ALK: variants seen among roughly 807,000 people sequenced by gnomAD.
The protein encoded by ALK is ALK tyrosine kinase receptor.
Under a neutral mutation model 163.1 loss-of-function variants are expected in ALK, and 74 were observed. That is an observed-to-expected ratio of 0.45 (90% CI 0.38 to 0.55). ALK has a LOEUF of 0.55. ALK is among the 20% of genes least tolerant of loss of function. The probability of loss-of-function intolerance (pLI) is 0.00; values close to 1 mark genes in which losing one functional copy is unlikely to be tolerated. For missense variants in ALK, 2,063 were observed against 2,105.3 expected (o/e 0.98, Z 0.39); for synonymous variants, 960 against 843.2 (o/e 1.14, Z -2.40).
Position 29,920,707 on chromosome 2 carries a change from C to G in ALK, c.-48G>C. 1 of 1,483,008 alleles carries G rather than the reference C, an allele frequency of 6.7e-7. No individual in the cohort carries two copies. Among genetic ancestry groups the G allele is most frequent in the Non-Finnish European group, 9.1e-7 (1 of 1,101,600 alleles). 91.9% of individuals were successfully genotyped at this position (1,483,008 alleles called of 1,614,324 possible). A position where few individuals can be genotyped will look rare whatever the true frequency, so the allele number is the denominator to read the frequency against. ...ACTGCTCTCCGGGCCCAGCCTCACC[C>G]TTCGCTCTCCCCGAGATGGGAAGAG... On this transcript the variant is annotated 5_prime_UTR_variant, in exon 1 of 29. Coordinates refer to ENST00000389048, the MANE Select transcript of ALK (RefSeq NM_004304.5).
At chr2:29,348,398 G>C (rs1668016229) in intron 5 of ALK, among the ~76,000 whole-genome samples, 1 of 152,178 alleles carries the variant, frequency 6.6e-6, no homozygotes, top group East Asian at 1.9e-4. Context: ...TGCATCCTCG[G>C]GGCACCCAGG....
chr2:29,424,837 T>A (rs2148069807), intron 4 of ALK, among the ~76,000 whole-genome samples: 1 of 152,308 alleles, frequency 6.6e-6, no homozygotes, highest in Non-Finnish European at 1.5e-5. Flanking sequence ...CTTAACCTCG[T>A]AAGCCTTGGT....
chr2:29,567,634 T>G (rs1674232394), intron 3 of ALK, among the ~76,000 whole-genome samples: 1 of 152,172 alleles, frequency 6.6e-6, no homozygotes, highest in African/African-American at 2.4e-5. Flanking sequence ...CTTGCTCCTT[T>G]TGGGGTATCA....
intron 4 of ALK, among the ~76,000 whole-genome samples, chr2:29,398,966 G>C (rs910484081): frequency 1.3e-5 from 2 of 152,174 alleles, no homozygotes; most frequent in Admixed American, 6.5e-5. Context: ...TGTGTGGCAG[G>C]AGCTGCTGCA....
At chr2:29,514,631 A>G (rs550277727) in intron 4 of ALK, among the ~76,000 whole-genome samples, 1 of 152,152 alleles carries the variant, frequency 6.6e-6, no homozygotes, top group Non-Finnish European at 1.5e-5. Context: ...CAACATCTCA[A>G]AACTGAAGTT....
Position 29,318,415 on chromosome 2 carries a change from G to C in ALK, c.1547-11C>G, listed in dbSNP as rs1184228132. 2 of 1,594,606 alleles carry C rather than the reference G, an allele frequency of 1.3e-6. No individual in the cohort carries two copies. Among genetic ancestry groups the C allele is most frequent in the South Asian group, 2.2e-5 (2 of 90,632 alleles). On this transcript the variant is annotated splice_polypyrimidine_tract_variant and intron_variant, in intron 7 of 28. Transcript: ENST00000389048. Reference sequence around the variant, plus strand: ...GCAATAGAGCATGGTCTAGGAGAGAGGAAAAGAATCACAAGCACGCCATTA... The same window carrying C: ...GCAATAGAGCATGGTCTAGGAGAGACGAAAAGAATCACAAGCACGCCATTA...
chr2:29,328,309 G>A (rs1484696385), intron 6 of ALK, 41 bp downstream of exon 6: 1 of 1,613,718 alleles, frequency 6.2e-7, no homozygotes, highest in African/African-American at 1.3e-5. Context: ...TTATGAGCAT[G>A]GGCTGGGCTC....
intron 1 of ALK, among the ~76,000 whole-genome samples, chr2:29,773,541 C>T (rs961553906): frequency 5.3e-5 from 8 of 152,080 alleles, no homozygotes; most frequent in Non-Finnish European, 8.8e-5. Flanking sequence ...CACTGATGAC[C>T]GCAAAGGGCA....
At chr2:29,411,097 A>G (rs1669713866) in intron 4 of ALK, among the ~76,000 whole-genome samples, 1 of 152,046 alleles carries the variant, frequency 6.6e-6, no homozygotes, top group Admixed American at 6.6e-5. Context: ...TTATTTTTGT[A>G]TTACTTTTTA....
intron 1 of ALK, among the ~76,000 whole-genome samples, chr2:29,780,383 A>G (rs956316673): frequency 2.0e-5 from 3 of 152,068 alleles, no homozygotes; most frequent in African/African-American, 7.2e-5. Context: ...AGCCCTGAAG[A>G]CCCTCACCCA....
At chr2:29,513,055 G>A (rs1292846072) in intron 4 of ALK, among the ~76,000 whole-genome samples, 22 of 151,486 alleles carry the variant, frequency 1.5e-4, no homozygotes, top group Non-Finnish European at 2.2e-4. Context: ...AATCAATATC[G>A]TGAAAATGGC....
intron 3 of ALK, among the ~76,000 whole-genome samples, chr2:29,610,137 G>A (rs1385605212): frequency 6.6e-6 from 1 of 152,182 alleles, no homozygotes; most frequent in African/African-American, 2.4e-5. Flanking sequence ...ATAAGTACCA[G>A]CATAACTTTG....
intron 6 of ALK, among the ~76,000 whole-genome samples, chr2:29,325,391 CACTT>C (rs1418994994): frequency 1.1e-4 from 16 of 152,234 alleles, no homozygotes; most frequent in Admixed American, 5.2e-4. Flanking sequence ...ATTTACTGAG[CACTT>C]ACTTTGTGCC....
chr2:29,332,272 TG>T (rs1294926316), intron 5 of ALK, among the ~76,000 whole-genome samples: 1 of 104,690 alleles, frequency 9.6e-6, no homozygotes, highest in Non-Finnish European at 1.7e-5. Flanking sequence ...GGAGACAGAG[TG>T]AGACTCCATC....
At chr2:29,569,699 T>G (rs1197401709) in intron 3 of ALK, among the ~76,000 whole-genome samples, 2 of 152,230 alleles carry the variant, frequency 1.3e-5, no homozygotes, top group Non-Finnish European at 2.9e-5. Context: ...GGGGTGGTGC[T>G]GATTCCACCA....
At chr2:29,705,240 AATATATATATATATATATATAT>A (rs1172702963) in intron 2 of ALK, among the ~76,000 whole-genome samples, 9 of 47,122 alleles carry the variant, frequency 1.9e-4, no homozygotes, top group African/African-American at 4.7e-4. Context: ...AAAGAAAAGA[AATATATATATATATATATATAT>A]ATATATATAT....
chr2:29,784,322 C>A (rs1398356470), intron 1 of ALK, among the ~76,000 whole-genome samples: 1 of 152,196 alleles, frequency 6.6e-6, no homozygotes, highest in Non-Finnish European at 1.5e-5. Flanking sequence ...TATACATTTT[C>A]TATAATATTC....
intron 1 of ALK, among the ~76,000 whole-genome samples, chr2:29,752,960 C>A (rs1680415627): frequency 6.6e-6 from 1 of 152,158 alleles, no homozygotes; most frequent in Non-Finnish European, 1.5e-5. Flanking sequence ...AATCTTCAGA[C>A]TCAGACCCAG....
intron 1 of ALK, among the ~76,000 whole-genome samples, chr2:29,866,599 G>A (rs1666439480): frequency 6.6e-6 from 1 of 152,190 alleles, no homozygotes. Context: ...GCTATACTTA[G>A]GAGCTATATC....
Sources: gnomAD v4.1 joint callset for allele counts (sites outside exome capture counted in the v4.1 genomes callset) on GRCh38, gnomAD v4.1.1 for gene constraint, MANE v1.5 for transcripts, NCBI Gene and HGNC (gene_info 2026-07-23, HGNC 2026-07-21) for gene names.